FANCC: variants seen among roughly 807,000 people sequenced by gnomAD.
FANCC encodes the protein Fanconi anemia group C protein.
FANCC carries 55 observed loss-of-function variants against 71.3 expected under a neutral mutation model. The observed-to-expected ratio is 0.77, with a 90% CI of 0.62 to 0.97. The LOEUF (loss-of-function observed/expected upper bound fraction) is 0.97, where lower values mean the gene tolerates loss of function less well. FANCC is among the 50% of genes least tolerant of loss of function. The pLI is 0.00. For synonymous variants in FANCC, 275 were observed against 244.9 expected (o/e 1.12, Z -1.15); for missense variants, 678 against 670.9 (o/e 1.01, Z -0.12).
intron 6 of FANCC, among the ~76,000 whole-genome samples, chr9:95,164,987 T>G (rs1830981355): frequency 6.6e-6 from 1 of 152,114 alleles, no homozygotes; most frequent in Non-Finnish European, 1.5e-5. Flanking sequence ...GTTCAGATGT[T>G]TTTATTTCTT....
chr9:95,221,638 A>G (rs1312290033), intron 4 of FANCC, among the ~76,000 whole-genome samples: 1 of 152,218 alleles, frequency 6.6e-6, no homozygotes, highest in African/African-American at 2.4e-5. Context: ...ATCTTTGACA[A>G]AGGAACAGTA....
At position 95,104,336 on chromosome 9, in the gene FANCC, A is replaced by T. The variant is rs539771955; in HGVS notation, c.1534-2486T>A. Among the ~76,000 whole-genome samples the T allele has an allele frequency of 5.9e-5, 9 of 152,292 alleles. No homozygotes were observed. In the South Asian group the frequency reaches 1.5e-3, roughly 25 times the overall value. On this transcript the variant is annotated intron_variant, in intron 14 of 14. Coordinates refer to ENST00000289081, the MANE Select transcript of FANCC (RefSeq NM_000136.3). ...GATGGCCAGCATCCGTCCCTGACAG[A>T]GTCAGTGCATGAGCGCCACACTGGC...
chr9:95,100,669 T>C lies in FANCC; in HGVS notation c.*1038A>G. ...TTTTTAAGAGATGGTCTCGCTCTGT[T>C]GCCCAGGCTGGAGTGCAGTGTCATG... On this transcript the variant is annotated 3_prime_UTR_variant, in exon 15 of 15. Coordinates refer to ENST00000289081, the MANE Select transcript of FANCC (RefSeq NM_000136.3). The C allele has an allele frequency of 4.4e-6, 1 of 229,326 alleles. No homozygotes were observed. Among genetic ancestry groups the C allele is most frequent in the Non-Finnish European group, 8.7e-6 (1 of 115,554 alleles). 14.2% of individuals were successfully genotyped at this position (229,326 alleles called of 1,614,324 possible).
chr9:95,116,684 C>G (rs541830453), intron 11 of FANCC, among the ~76,000 whole-genome samples: 2 of 152,320 alleles, frequency 1.3e-5, no homozygotes, highest in South Asian at 4.1e-4. Flanking sequence ...TTCTCTATTT[C>G]CGAAATGTCT....
At chr9:95,168,657 A>G (rs954056061) in intron 6 of FANCC, among the ~76,000 whole-genome samples, 1 of 152,128 alleles carries the variant, frequency 6.6e-6, no homozygotes, top group Non-Finnish European at 1.5e-5. Flanking sequence ...CAGCCTCCCG[A>G]GTAGCTGGGA....
At chr9:95,146,057 GTGA>G (rs764890524) in intron 7 of FANCC, among the ~76,000 whole-genome samples, 7 of 152,058 alleles carry the variant, frequency 4.6e-5, no homozygotes, top group African/African-American at 7.2e-5. Context: ...GACTAGATAT[GTGA>G]TGATGATAAG....
Position 95,191,410 on chromosome 9 carries a change from G to A in FANCC, c.346-19263C>T, listed in dbSNP as rs117273676. 3.5e-3 allele frequency among the ~76,000 whole-genome samples: 480 copies of A among 136,316 alleles called. 8 individuals are homozygous for A. In the East Asian group the frequency reaches 0.049, roughly 14 times the overall value. The allele number at this position is 136,316 out of a possible 152,430, so 89.4% of individuals were successfully genotyped here. A position where few individuals can be genotyped will look rare whatever the true frequency, so the allele number is the denominator to read the frequency against. ...TGCAGTGGTGTGATCTTGGTTCACT[G>A]CAGCCAAGACTTCCTCAGCTCAAGC... On this transcript the variant is annotated intron_variant, in intron 4 of 14. Coordinates refer to ENST00000289081, the MANE Select transcript of FANCC (RefSeq NM_000136.3).
chr9:95,132,790 A>G (rs1827110215), intron 8 of FANCC, among the ~76,000 whole-genome samples: 1 of 152,244 alleles, frequency 6.6e-6, no homozygotes. Context: ...CCAAGAGGCC[A>G]AAGAACATTT....
intron 4 of FANCC, among the ~76,000 whole-genome samples, chr9:95,203,924 C>T (rs577155387): frequency 1.3e-5 from 2 of 152,210 alleles, no homozygotes; most frequent in South Asian, 2.1e-4. Context: ...AAGGGAGGAC[C>T]TTGTAGGCCT....
At chr9:95,268,767 A>AC (rs1338270749) in intron 1 of FANCC, among the ~76,000 whole-genome samples, 1 of 152,144 alleles carries the variant, frequency 6.6e-6, no homozygotes, top group Non-Finnish European at 1.5e-5. Context: ...TAGAGAAGGT[A>AC]AAGACCTTAA....
At chr9:95,244,355 C>T (rs4647428) in intron 3 of FANCC, among the ~76,000 whole-genome samples, 4 of 152,120 alleles carry the variant, frequency 2.6e-5, no homozygotes, top group Non-Finnish European at 2.9e-5. Flanking sequence ...GACAGTGAGC[C>T]GCGTTTTCCT....
At chr9:95,186,790 A>ATTTATTT (rs369552248) in intron 4 of FANCC, among the ~76,000 whole-genome samples, 1 of 134,974 alleles carries the variant, frequency 7.4e-6, no homozygotes, top group African/African-American at 2.8e-5. Flanking sequence ...GGACTGTTGG[A>ATTTATTT]TTTTTTTTTT....
At chr9:95,116,869 G>A (rs927272217) in intron 11 of FANCC, among the ~76,000 whole-genome samples, 12 of 152,178 alleles carry the variant, frequency 7.9e-5, no homozygotes, top group African/African-American at 1.2e-4. Flanking sequence ...TTGGTTAGGG[G>A]AAACTTCCCC....
intron 1 of FANCC, among the ~76,000 whole-genome samples, chr9:95,302,953 T>C (rs976663207): frequency 8.5e-5 from 13 of 152,212 alleles, no homozygotes; most frequent in African/African-American, 3.1e-4. Context: ...TTTTAAAACC[T>C]TGAAGATGTC....
chr9:95,175,774 G>A (rs979523837), intron 4 of FANCC, among the ~76,000 whole-genome samples: 1 of 152,276 alleles, frequency 6.6e-6, no homozygotes, highest in Non-Finnish European at 1.5e-5. Flanking sequence ...GATGGAGCCT[G>A]AATCCCCAGT....
intron 2 of FANCC, among the ~76,000 whole-genome samples, chr9:95,247,994 T>G (rs1391151404): frequency 6.6e-6 from 1 of 152,208 alleles, no homozygotes; most frequent in Non-Finnish European, 1.5e-5. Context: ...CTGGAACTTG[T>G]AAAAAGAAAT....
chr9:95,141,745 G>A (rs1204558175), intron 7 of FANCC, among the ~76,000 whole-genome samples: 2 of 152,096 alleles, frequency 1.3e-5, no homozygotes, highest in Non-Finnish European at 2.9e-5. Flanking sequence ...TAATACATAA[G>A]TTAGTCAAGA....
At chr9:95,274,131 C>A (rs182843565) in intron 1 of FANCC, among the ~76,000 whole-genome samples, 1 of 152,140 alleles carries the variant, frequency 6.6e-6, no homozygotes, top group Admixed American at 6.6e-5. Flanking sequence ...CCGATCAACC[C>A]GTCATCTACG....
intron 4 of FANCC, among the ~76,000 whole-genome samples, chr9:95,194,030 A>G (rs1827265786): frequency 6.6e-6 from 1 of 152,140 alleles, no homozygotes; most frequent in Admixed American, 6.5e-5. Context: ...AGTGACCCTG[A>G]GCCATACACC....
Sources: gnomAD v4.1 joint callset for allele counts (sites outside exome capture counted in the v4.1 genomes callset) on GRCh38, gnomAD v4.1.1 for gene constraint, MANE v1.5 for transcripts, NCBI Gene and HGNC (gene_info 2026-07-23, HGNC 2026-07-21) for gene names.